The following USP25 variants were observed in gnomAD, a reference collection of about 807,000 sequenced individuals.
USP25 encodes the protein ubiquitin specific peptidase 25, also known as ubiquitin carboxyl-terminal hydrolase 25.
Under a neutral mutation model 158.5 loss-of-function variants are expected in USP25, and 85 were observed. The ratio of observed to expected loss-of-function variants is 0.54; its 90% CI spans 0.45 to 0.64. USP25 has a LOEUF of 0.64. USP25 is among the 30% of genes least tolerant of loss of function. The pLI, the probability that USP25 is intolerant of heterozygous loss-of-function variation, is 0.00. For missense variants in USP25, 1,242 were observed against 1,327.3 expected, an observed-to-expected ratio of 0.94 and a Z score of 1.00; for synonymous variants, 464 against 460.4, an observed-to-expected ratio of 1.01 and a Z score of -0.10.
intron 14 of USP25, among the ~76,000 whole-genome samples, chr21:15,829,702 A>G (rs1167182270): frequency 6.6e-6 from 1 of 152,178 alleles, no homozygotes; most frequent in Non-Finnish European, 1.5e-5. Flanking sequence ...CACTTTACCT[A>G]TAATATCACA....
intron 9 of USP25, 131 bp from the exon 10 acceptor site, chr21:15,818,567 C>A: frequency 2.7e-6 from 2 of 745,176 alleles, no homozygotes; most frequent in Non-Finnish European, 4.2e-6. Flanking sequence ...GGAAAATTAA[C>A]ACTAACACTT....
At chr21:15,757,472 A>G (rs1345783198) in intron 1 of USP25, among the ~76,000 whole-genome samples, 1 of 152,212 alleles carries the variant, frequency 6.6e-6, no homozygotes, top group Non-Finnish European at 1.5e-5. Context: ...GCAAAATAAC[A>G]GTTTCAAAGA....
intron 5 of USP25, among the ~76,000 whole-genome samples, chr21:15,796,897 T>C (rs2146237563): frequency 6.6e-6 from 1 of 151,524 alleles, no homozygotes; most frequent in East Asian, 1.9e-4. Flanking sequence ...TCTGCCATAA[T>C]AATAATTAAT....
chr21:15,736,558 C>T (rs765271309), intron 1 of USP25, among the ~76,000 whole-genome samples: 9 of 151,726 alleles, frequency 5.9e-5, no homozygotes, highest in African/African-American at 1.9e-4. Context: ...ATCACCACCC[C>T]CACCCTTGTC....
chr21:15,756,887 T>C (rs2033412510), intron 1 of USP25, among the ~76,000 whole-genome samples: 1 of 151,990 alleles, frequency 6.6e-6, no homozygotes, highest in Non-Finnish European at 1.5e-5. Context: ...AGAAAAAAAA[T>C]CCATACAAGG....
intron 1 of USP25, among the ~76,000 whole-genome samples, chr21:15,757,991 G>A (rs982871695): frequency 5.9e-5 from 9 of 152,164 alleles, no homozygotes; most frequent in African/African-American, 2.2e-4. Flanking sequence ...GAAAACTTCT[G>A]TATAGATTAT....
chr21:15,732,468 G>A (rs1472322569), intron 1 of USP25, among the ~76,000 whole-genome samples: 8 of 152,206 alleles, frequency 5.3e-5, no homozygotes, highest in African/African-American at 1.7e-4. Flanking sequence ...ACCAGGAAGC[G>A]GACTTAAAGC....
intron 1 of USP25, among the ~76,000 whole-genome samples, chr21:15,754,888 A>G (rs961674744): frequency 1.3e-5 from 2 of 152,226 alleles, no homozygotes; most frequent in African/African-American, 4.8e-5. Flanking sequence ...ACTTACAAAC[A>G]TGAAGGATGT....
At chr21:15,863,943 A>G (rs2039542081) in intron 20 of USP25, among the ~76,000 whole-genome samples, 2 of 151,812 alleles carry the variant, frequency 1.3e-5, no homozygotes, top group South Asian at 4.2e-4. Flanking sequence ...AGGCTGAGGC[A>G]GGAGATTCAC....
At chr21:15,743,206 C>T (rs2823469) in intron 1 of USP25, among the ~76,000 whole-genome samples, 35,292 of 152,120 alleles carry the variant, frequency 0.23, 5,560 homozygotes, top group African/African-American at 0.45. Flanking sequence ...AGAGGGGTCG[C>T]GGCTCATCAC....
intron 23 of USP25, among the ~76,000 whole-genome samples, chr21:15,873,622 T>G (rs760446351): frequency 9.2e-5 from 14 of 151,788 alleles, no homozygotes; most frequent in Non-Finnish European, 1.5e-4. Context: ...GCCTGCCGAG[T>G]AGCTGGGACT....
chr21:15,822,884 A>G (rs1185915493), intron 10 of USP25, among the ~76,000 whole-genome samples: 1 of 152,034 alleles, frequency 6.6e-6, no homozygotes, highest in Admixed American at 6.5e-5. Context: ...TTTAGCTTTC[A>G]GTAAAAGATA....
At chr21:15,752,196 G>T (rs2033069370) in intron 1 of USP25, among the ~76,000 whole-genome samples, 2 of 152,070 alleles carry the variant, frequency 1.3e-5, no homozygotes, top group African/African-American at 4.8e-5. Context: ...GCCTCGCAAA[G>T]TGTTGGGATT....
chr21:15,827,225 G>T (rs1440897813), intron 14 of USP25, 22 bp downstream of exon 14: 6 of 1,586,474 alleles, frequency 3.8e-6, no homozygotes, highest in South Asian at 3.3e-5. Context: ...CTCATAGCAT[G>T]GTTACTGTCA....
At position 15,826,732 on chromosome 21, in the gene USP25, G is replaced by T. The variant is rs2037523465; in HGVS notation, c.1467-245G>T. Among the ~76,000 whole-genome samples, 1 of 152,130 alleles carries T rather than the reference G, an allele frequency of 6.6e-6. No homozygotes were observed. The highest frequency in any genetic ancestry group is 6.5e-5 in the Admixed American group (1 of 15,286). ...GGGAAAATAATATCACCATGCGTAA[G>T]ATTTTCTTGTTTTTTAGAAATAAAT... On this transcript the variant is annotated intron_variant, in intron 13 of 25. Transcript: ENST00000400183. This position sits in a 1 kb window ranked among gnomAD's most constrained non-coding sequence, Gnocchi z 4.8.
rs2036955759 is a variant in USP25 at position 15,816,752 on chromosome 21, G to T, written c.932-1946G>T. 1.3e-5 allele frequency among the ~76,000 whole-genome samples: 2 copies of T among 151,816 alleles called. No homozygotes were observed. Among genetic ancestry groups the T allele is most frequent in the African/African-American group, 4.8e-5 (2 of 41,282 alleles). On this transcript the variant is annotated intron_variant, in intron 9 of 25. Transcript: ENST00000400183. The surrounding 1 kb of genome is among the most constrained non-coding windows in gnomAD (Gnocchi z 4.0). ...TGTCTTCTCAAATTGAAATCTCATG[G>T]ATCATAATGAACCAGTGATTTCCAC...
At chr21:15,837,586 A>G (rs2038116736) in intron 17 of USP25, among the ~76,000 whole-genome samples, 3 of 152,212 alleles carry the variant, frequency 2.0e-5, no homozygotes, top group Non-Finnish European at 4.4e-5. Context: ...GGCTGTATTT[A>G]TAAAACAGAA....
intron 1 of USP25, among the ~76,000 whole-genome samples, chr21:15,749,142 T>C (rs971758539): frequency 2.0e-5 from 3 of 152,204 alleles, no homozygotes; most frequent in Admixed American, 6.5e-5. Flanking sequence ...GTAACAATTA[T>C]AGCTTACCTA....
intron 23 of USP25, among the ~76,000 whole-genome samples, chr21:15,871,149 A>G: frequency 6.6e-6 from 1 of 152,294 alleles, no homozygotes; most frequent in East Asian, 1.9e-4. Flanking sequence ...GTTATCACAC[A>G]AAAGGAAAAA....
Sources: allele counts gnomAD v4.1 joint callset (sites outside exome capture counted in the v4.1 genomes callset), GRCh38; gene constraint gnomAD v4.1.1; non-coding constraint Gnocchi (gnomAD v3.1); transcripts MANE v1.5; gene names NCBI Gene and HGNC (gene_info 2026-07-23, HGNC 2026-07-21).